SLIT3: variants seen among roughly 807,000 people sequenced by gnomAD.
SLIT3 encodes the protein slit guidance ligand 3.
SLIT3 carries 68 observed loss-of-function variants against 184.0 expected under a neutral mutation model. The observed-to-expected ratio is 0.37, with a 90% CI of 0.30 to 0.45. The LOEUF (loss-of-function observed/expected upper bound fraction) is 0.45, where lower values mean the gene tolerates loss of function less well. Ranked by LOEUF, SLIT3 falls within the 20% of genes least tolerant of loss-of-function variation. The pLI, the probability that SLIT3 is intolerant of heterozygous loss-of-function variation, is 1.00. For missense variants in SLIT3, 1,707 were observed against 2,026.0 expected (o/e 0.84, Z 3.02); for synonymous variants, 831 against 828.6 (o/e 1.00, Z -0.05).
chr5:168,953,484 C>T (rs1762727874), intron 4 of SLIT3, among the ~76,000 whole-genome samples: 1 of 152,200 alleles, frequency 6.6e-6, no homozygotes, highest in Non-Finnish European at 1.5e-5. Flanking sequence ...ACATTCTTGG[C>T]CCATGTCTTT....
At position 169,065,972 on chromosome 5, in the gene SLIT3, C is replaced by T. The variant is rs528887994; in HGVS notation, c.413+127507G>A. 8.5e-5 allele frequency among the ~76,000 whole-genome samples: 13 copies of T among 152,216 alleles called. No individual in the cohort carries two copies. In the South Asian group the frequency reaches 2.7e-3, roughly 32 times the overall value. Reference sequence around the variant, plus strand: ...TGAACTTCATCACATTTGTTACTAGCAAAAAGTGTGCAAGGCAGGTGTCAT... The same window carrying T: ...TGAACTTCATCACATTTGTTACTAGTAAAAAGTGTGCAAGGCAGGTGTCAT... On this transcript the variant is annotated intron_variant, in intron 4 of 35. Transcript: ENST00000519560.
intron 4 of SLIT3, among the ~76,000 whole-genome samples, chr5:169,168,237 G>T (rs1341231534): frequency 6.6e-6 from 1 of 152,190 alleles, no homozygotes; most frequent in Admixed American, 6.5e-5. Context: ...AGTAGGCTAT[G>T]CATCTTACAA....
chr5:169,193,518 G>C lies in SLIT3; in HGVS notation c.374C>G (p.Pro125Arg). 1 of 1,614,052 alleles carries C rather than the reference G, an allele frequency of 6.2e-7. No individual in the cohort carries two copies. The highest frequency in any genetic ancestry group is 8.5e-7 in the Non-Finnish European group (1 of 1,179,958). The change falls in exon 4 of 36, where the codon CCA (proline) becomes CGA (arginine). Residue 125 changes from proline (P) to arginine (R), a missense_variant. By Grantham distance (103) the Pro-to-Arg change is moderately radical. Coordinates refer to ENST00000519560, the MANE Select transcript of SLIT3 (RefSeq NM_003062.4). ...RLNKNKLQVL[P>R]ELLFQSTPKL... Reference sequence around the variant, plus strand: ...CGGCGTGCTCTGGAAAAGCAATTCTGGAAGGACTTGCAGCTTATTCTTGTT... The same window carrying C: ...CGGCGTGCTCTGGAAAAGCAATTCTCGAAGGACTTGCAGCTTATTCTTGTT...
intron 30 of SLIT3, 103 bp from the exon 31 acceptor site, chr5:168,686,030 A>G (rs1218339163): frequency 7.6e-7 from 1 of 1,320,518 alleles, no homozygotes; most frequent in Non-Finnish European, 1.0e-6. Context: ...GTAGAGTGAG[A>G]TGGGAAATGA....
intron 4 of SLIT3, among the ~76,000 whole-genome samples, chr5:169,037,289 TG>T (rs1757289029): frequency 6.6e-6 from 1 of 152,220 alleles, no homozygotes; most frequent in Non-Finnish European, 1.5e-5. Flanking sequence ...CTTGGCAGCT[TG>T]GGTAGCTCAC....
At chr5:168,835,561 C>G (rs1030894023) in intron 6 of SLIT3, among the ~76,000 whole-genome samples, 1 of 151,648 alleles carries the variant, frequency 6.6e-6, no homozygotes, top group Non-Finnish European at 1.5e-5. Context: ...GTAATCCCAG[C>G]GCTTTGGGAG....
intron 4 of SLIT3, among the ~76,000 whole-genome samples, chr5:169,047,447 G>A (rs1234376432): frequency 6.6e-6 from 1 of 152,032 alleles, no homozygotes; most frequent in Non-Finnish European, 1.5e-5. Flanking sequence ...CTTTATTGGG[G>A]TCTCTGCCTT....
At chr5:168,795,469 A>T (rs1756532861) in intron 10 of SLIT3, 38 bp downstream of exon 10, 2 of 1,524,038 alleles carry the variant, frequency 1.3e-6, no homozygotes, top group Non-Finnish European at 1.8e-6. Context: ...CTGGAAATTG[A>T]AAACATTTGG....
chr5:168,993,673 G>GAAAAAAAAAAA (rs11428012), intron 4 of SLIT3, among the ~76,000 whole-genome samples: 1 of 145,286 alleles, frequency 6.9e-6, no homozygotes, highest in Non-Finnish European at 1.5e-5. Context: ...AAGTACACAG[G>GAAAAAAAAAAA]AAAAAAAAAA....
intron 5 of SLIT3, among the ~76,000 whole-genome samples, chr5:168,882,517 C>T (rs778015819): frequency 3.5e-4 from 54 of 152,126 alleles, no homozygotes; most frequent in Non-Finnish European, 6.6e-4. Context: ...CTCACACAGG[C>T]GTATACAAGT....
chr5:169,049,521 G>A (rs971715058), intron 4 of SLIT3, among the ~76,000 whole-genome samples: 4 of 152,194 alleles, frequency 2.6e-5, no homozygotes, highest in Non-Finnish European at 5.9e-5. Context: ...ACCAGTGACA[G>A]CAGTGGAGAA....
At chr5:168,786,023 C>T (rs1370023558) in intron 11 of SLIT3, 45 bp from the exon 12 acceptor site, 1 of 1,331,164 alleles carries the variant, frequency 7.5e-7, no homozygotes, top group Non-Finnish European at 1.1e-6. Context: ...GGATGTGAGG[C>T]CACCAGAACC....
intron 4 of SLIT3, among the ~76,000 whole-genome samples, chr5:168,995,316 G>T (rs1755475024): frequency 1.3e-5 from 2 of 152,208 alleles, no homozygotes; most frequent in Non-Finnish European, 2.9e-5. Flanking sequence ...GAACAGGGAA[G>T]AATTAGCCAC....
chr5:169,102,901 C>T (rs1424759626), intron 4 of SLIT3, among the ~76,000 whole-genome samples: 3 of 152,230 alleles, frequency 2.0e-5, no homozygotes, highest in Non-Finnish European at 4.4e-5. Flanking sequence ...ATACAAATCA[C>T]AAGTCACCTC....
chr5:168,761,679 C>T (rs1162911595), intron 15 of SLIT3, among the ~76,000 whole-genome samples: 3 of 151,980 alleles, frequency 2.0e-5, no homozygotes, highest in Non-Finnish European at 4.4e-5. Context: ...TCTGTCGGTC[C>T]CCACATGCTG....
intron 3 of SLIT3, among the ~76,000 whole-genome samples, chr5:169,214,470 C>T (rs1201426500): frequency 6.6e-6 from 1 of 152,166 alleles, no homozygotes; most frequent in Non-Finnish European, 1.5e-5. Flanking sequence ...GTCTGGGAAA[C>T]TGGGAGGAGG....
intron 3 of SLIT3, among the ~76,000 whole-genome samples, chr5:169,197,928 T>C (rs1316787790): frequency 6.6e-6 from 1 of 152,244 alleles, no homozygotes; most frequent in Non-Finnish European, 1.5e-5. Flanking sequence ...CCTTTCTAGA[T>C]GTACCTGGGT....
intron 5 of SLIT3, among the ~76,000 whole-genome samples, chr5:168,865,313 T>C (rs1182196644): frequency 6.6e-6 from 1 of 151,656 alleles, no homozygotes; most frequent in African/African-American, 2.4e-5. Flanking sequence ...TTATTCGTAA[T>C]AACCCAAATT....
intron 4 of SLIT3, among the ~76,000 whole-genome samples, chr5:169,191,409 T>C (rs1561727111): frequency 6.6e-6 from 1 of 152,156 alleles, no homozygotes; most frequent in Non-Finnish European, 1.5e-5. Flanking sequence ...ACCTCAGTGC[T>C]TGTTGCAACT....
Sources: gnomAD v4.1 joint callset for allele counts (sites outside exome capture counted in the v4.1 genomes callset) on GRCh38, gnomAD v4.1.1 for gene constraint, MANE v1.5 for transcripts, NCBI Gene and HGNC (gene_info 2026-07-23, HGNC 2026-07-21) for gene names.